The following MMP26 variants were observed in gnomAD, a reference collection of about 807,000 sequenced individuals.
MMP26 encodes matrix metalloproteinase-26.
In MMP26, 33 loss-of-function variants were observed where a neutral mutation model predicts 31.0. That is an observed-to-expected ratio of 1.06 (90% CI 0.81 to 1.42). The LOEUF (loss-of-function observed/expected upper bound fraction) is 1.42, where lower values mean the gene tolerates loss of function less well. Ranked by LOEUF, MMP26 falls within the 40% of genes most tolerant of loss-of-function variation. The pLI is 0.00. For missense variants in MMP26, 347 were observed against 316.1 expected, an observed-to-expected ratio of 1.10 and a Z score of -0.74; for synonymous variants, 122 against 114.9, an observed-to-expected ratio of 1.06 and a Z score of -0.40.
chr11:4,946,227 C>T, intron 2 of MMP26: 1 of 1,613,926 alleles, frequency 6.2e-7, no homozygotes, highest in Non-Finnish European at 8.5e-7. Flanking sequence ...ACACAATAAA[C>T]AATTGGGTTC....
At chr11:4,753,464 A>G (rs1239426672) in intron 1 of MMP26, among the ~76,000 whole-genome samples, 2 of 152,072 alleles carry the variant, frequency 1.3e-5, no homozygotes, top group Non-Finnish European at 2.9e-5. Flanking sequence ...TAAATTTTTC[A>G]TCCTTCAACT....
intron 2 of MMP26, chr11:4,822,040 T>C: frequency 6.2e-7 from 1 of 1,613,884 alleles, no homozygotes; most frequent in Non-Finnish European, 8.5e-7. Flanking sequence ...TGCGCTTTTG[T>C]CCACTACAGG....
Position 4,990,728 on chromosome 11 carries a change from G to C in MMP26, c.451G>C (p.Val151Leu). 1 of 1,614,024 alleles carries C rather than the reference G, an allele frequency of 6.2e-7. No individual in the cohort carries two copies. Among genetic ancestry groups the C allele is most frequent in the Non-Finnish European group, 8.5e-7 (1 of 1,179,940 alleles). Reference protein sequence around the residue: ...QVQNGDADIKVSFWQWAHEDG... With the variant: ...QVQNGDADIKLSFWQWAHEDG... ...GCAGAATGGAGATGCAGACATCAAG[G>C]TTTCTTTCTGGCAGTGGGGTAAGAA... is the stretch of plus-strand genomic sequence containing the variant. Residue 151 changes from valine (V) to leucine (L), a missense_variant, in exon 5 of 8, where the codon GTT (valine) becomes CTT (leucine). Physicochemically the swap from Val to Leu is conservative, Grantham distance 32. Transcript: ENST00000380390.
chr11:4,829,156 C>CA (rs1849614276), intron 2 of MMP26, among the ~76,000 whole-genome samples: 1 of 152,012 alleles, frequency 6.6e-6, no homozygotes, highest in South Asian at 2.1e-4. Flanking sequence ...TACTAAATAC[C>CA]AAAAAAATTC....
chr11:4,979,535 A>C (rs1402308719), intron 2 of MMP26, among the ~76,000 whole-genome samples: 1 of 152,116 alleles, frequency 6.6e-6, no homozygotes, highest in East Asian at 1.9e-4. Flanking sequence ...AATGAGTCAG[A>C]GCTTTTATAG....
intron 2 of MMP26, among the ~76,000 whole-genome samples, chr11:4,794,751 G>T (rs909861408): frequency 2.6e-5 from 4 of 152,142 alleles, no homozygotes; most frequent in African/African-American, 9.7e-5. Context: ...CCGACAAGCA[G>T]GTGCTGGCTA....
intron 2 of MMP26, chr11:4,973,369 C>T (rs1449564811): frequency 1.3e-5 from 2 of 152,490 alleles, no homozygotes; most frequent in Non-Finnish European, 2.9e-5. Flanking sequence ...GGAGGTTCTT[C>T]TTACAATATT....
chr11:4,946,390 C>A, intron 2 of MMP26: 4 of 1,613,512 alleles, frequency 2.5e-6, no homozygotes, highest in Non-Finnish European at 3.4e-6. Context: ...TATTGAGAGC[C>A]TTAAGCTGCT....
chr11:4,732,883 C>T (rs914400639), intron 1 of MMP26, among the ~76,000 whole-genome samples: 9 of 152,138 alleles, frequency 5.9e-5, no homozygotes, highest in African/African-American at 9.7e-5. Context: ...GAAATTTGGG[C>T]GGCAGCGCCA....
At chr11:4,800,876 CAT>C (rs756479556) in intron 2 of MMP26, among the ~76,000 whole-genome samples, 18,919 of 152,104 alleles carry the variant, frequency 0.12, 2,312 homozygotes, top group African/African-American at 0.31. Context: ...TTCAAACTTT[CAT>C]AGGTCCCTAG....
chr11:4,733,371 G>C (rs1417011897), intron 1 of MMP26, among the ~76,000 whole-genome samples: 1 of 152,090 alleles, frequency 6.6e-6, no homozygotes, highest in Non-Finnish European at 1.5e-5. Context: ...GATATTTTCA[G>C]TGTGAAAGTC....
At chr11:4,856,379 C>A (rs11607868) in intron 2 of MMP26, among the ~76,000 whole-genome samples, 1 of 151,698 alleles carries the variant, frequency 6.6e-6, no homozygotes, top group Non-Finnish European at 1.5e-5. Flanking sequence ...GGAGGAAGAT[C>A]TACCAAGCAA....
chr11:4,780,609 T>C (rs978894025), intron 2 of MMP26, among the ~76,000 whole-genome samples: 2 of 152,170 alleles, frequency 1.3e-5, no homozygotes, highest in Admixed American at 1.3e-4. Flanking sequence ...TACTCATGCA[T>C]TATGGCTAGT....
intron 2 of MMP26, among the ~76,000 whole-genome samples, chr11:4,782,419 G>T (rs1848877270): frequency 6.6e-6 from 1 of 152,190 alleles, no homozygotes; most frequent in Non-Finnish European, 1.5e-5. Flanking sequence ...ATAATTTAGG[G>T]TATCTGGAGG....
chr11:4,903,576 C>T lies in MMP26; in HGVS notation c.-144-84492C>T, dbSNP rs569790913. ...AATGTTTACCTTTCAGATGAGTAGT[C>T]TCCCTGTAGTTTGTCTCACAATTTG... On this transcript the variant is annotated intron_variant, in intron 2 of 7. Transcript: ENST00000380390. Among the ~76,000 whole-genome samples, 7 of 152,184 alleles carry T rather than the reference C, an allele frequency of 4.6e-5. No homozygotes were observed. The South Asian group carries it at 1.5e-3, about 32-fold the overall frequency.
chr11:4,888,570 T>G (rs977663265), intron 2 of MMP26, among the ~76,000 whole-genome samples: 1 of 152,090 alleles, frequency 6.6e-6, no homozygotes, highest in Non-Finnish European at 1.5e-5. Flanking sequence ...CTTTTTCCTA[T>G]TTTTTACCAA....
intron 2 of MMP26, among the ~76,000 whole-genome samples, chr11:4,961,269 C>G (rs1564815689): frequency 6.6e-6 from 1 of 152,114 alleles, no homozygotes; most frequent in African/African-American, 2.4e-5. Context: ...TTCCGATGTC[C>G]AAGGGAGCAG....
chr11:4,887,481 A>G (rs913849965), intron 2 of MMP26, among the ~76,000 whole-genome samples: 1 of 152,160 alleles, frequency 6.6e-6, no homozygotes, highest in African/African-American at 2.4e-5. Context: ...GAGAAAAACT[A>G]AAAACTTTGT....
chr11:4,964,380 A>G (rs545117794), intron 2 of MMP26, among the ~76,000 whole-genome samples: 5 of 152,172 alleles, frequency 3.3e-5, no homozygotes, highest in Admixed American at 3.3e-4. Context: ...TCCTTTCCCC[A>G]TTGCTTATTT....
Sources: gnomAD v4.1 joint callset for allele counts (sites outside exome capture counted in the v4.1 genomes callset) on GRCh38, gnomAD v4.1.1 for gene constraint, MANE v1.5 for transcripts, NCBI Gene and HGNC (gene_info 2026-07-23, HGNC 2026-07-21) for gene names.